DIAPH2: variants seen among roughly 807,000 people sequenced by gnomAD.
DIAPH2 encodes diaphanous related formin 2, also known as protein diaphanous homolog 2.
Under a neutral mutation model 92.7 loss-of-function variants are expected in DIAPH2, and 35 were observed. The observed-to-expected ratio is 0.38, with a 90% CI of 0.29 to 0.50. The LOEUF (loss-of-function observed/expected upper bound fraction) is 0.50. Among genes scored for constraint, DIAPH2 ranks in the 20% least tolerant of loss-of-function variants. DIAPH2 has a pLI of 0.94. For missense variants in DIAPH2, 701 were observed against 819.5 expected (o/e 0.86, Z 1.77); for synonymous variants, 301 against 280.4 (o/e 1.07, Z -0.73).
intron 21 of DIAPH2, among the ~76,000 whole-genome samples, chrX:97,139,788 T>C (rs1350669499): frequency 9.0e-6 from 1 of 111,286 alleles, no homozygotes; most frequent in Non-Finnish European, 1.9e-5. Context: ...ATTAAGCACT[T>C]ATAAGTATGC....
chrX:96,909,565 G>A (rs955153931), intron 5 of DIAPH2, among the ~76,000 whole-genome samples: 3 of 110,790 alleles, frequency 2.7e-5, no homozygotes, highest in African/African-American at 9.9e-5. Flanking sequence ...CATCGTCATC[G>A]TTCGTAATTA....
intron 4 of DIAPH2, among the ~76,000 whole-genome samples, chrX:96,835,773 G>A (rs1268956040): frequency 9.0e-6 from 1 of 111,521 alleles, no homozygotes; most frequent in Non-Finnish European, 1.9e-5. Context: ...GGAGGGTGAT[G>A]TCCAAGTATC....
At chrX:97,598,017 C>G (rs1386206118) in intron 26 of DIAPH2, among the ~76,000 whole-genome samples, 1 of 111,273 alleles carries the variant, frequency 9.0e-6, no homozygotes, top group Non-Finnish European at 1.9e-5. Context: ...TAGCTTTGCT[C>G]TGTTTGCTGA....
intron 26 of DIAPH2, among the ~76,000 whole-genome samples, chrX:97,439,160 GCT>G (rs2070225592): frequency 9.0e-6 from 1 of 111,541 alleles, no homozygotes; most frequent in Non-Finnish European, 1.9e-5. Flanking sequence ...GGGCACAGTG[GCT>G]CACACCTTTA....
chrX:97,050,136 T>G (rs936821048), intron 17 of DIAPH2, among the ~76,000 whole-genome samples: 1 of 111,536 alleles, frequency 9.0e-6, no homozygotes, highest in Non-Finnish European at 1.9e-5. Context: ...AACTATACTT[T>G]TAAATCTTCT....
intron 18 of DIAPH2, among the ~76,000 whole-genome samples, chrX:97,074,257 T>G: frequency 9.0e-6 from 1 of 110,595 alleles, no homozygotes; most frequent in East Asian, 2.9e-4. Flanking sequence ...AAATACAAAA[T>G]TAGCCGGGCG....
intron 1 of DIAPH2, among the ~76,000 whole-genome samples, chrX:96,696,970 A>C (rs960508598): frequency 9.0e-6 from 1 of 111,668 alleles, no homozygotes; most frequent in Non-Finnish European, 1.9e-5. Context: ...CATAAGTCCC[A>C]TCGTGGGTAG....
chrX:96,913,127 A>G (rs1303760568), intron 7 of DIAPH2, among the ~76,000 whole-genome samples: 1 of 110,953 alleles, frequency 9.0e-6, no homozygotes, highest in Non-Finnish European at 1.9e-5. Flanking sequence ...CATATAGGGA[A>G]GATAGATAAA....
chrX:97,412,471 C>T (rs773158310), intron 25 of DIAPH2, among the ~76,000 whole-genome samples: 1 of 111,864 alleles, frequency 8.9e-6, no homozygotes, highest in South Asian at 3.7e-4. Flanking sequence ...AAAATCAACA[C>T]CCTAACATCA....
chrX:97,172,937 G>T (rs1602391191), intron 22 of DIAPH2, among the ~76,000 whole-genome samples: 1 of 111,929 alleles, frequency 8.9e-6, no homozygotes, highest in East Asian at 2.8e-4. Context: ...CGTCATGTAG[G>T]TTTCCTATGT....
intron 23 of DIAPH2, among the ~76,000 whole-genome samples, chrX:97,313,246 GTGAACACTGGATAATATGCACA>G (rs2068812387): frequency 1.8e-5 from 2 of 111,685 alleles, no homozygotes; most frequent in African/African-American, 6.5e-5. Context: ...GTGGTCACAA[GTGAACACTGGATAATATGCACA>G]ATTCATTGTA....
At chrX:97,112,965 A>G (rs2066992697) in intron 20 of DIAPH2, among the ~76,000 whole-genome samples, 1 of 107,343 alleles carries the variant, frequency 9.3e-6, no homozygotes, top group South Asian at 4.2e-4. Context: ...TTTTTAGTAG[A>G]GACAGGGTTT....
At chrX:97,499,134 A>C (rs1411330545) in intron 26 of DIAPH2, among the ~76,000 whole-genome samples, 2 of 112,292 alleles carry the variant, frequency 1.8e-5, no homozygotes, top group African/African-American at 6.5e-5. Flanking sequence ...TTTAAATGAC[A>C]TGAATATATT....
intron 26 of DIAPH2, among the ~76,000 whole-genome samples, chrX:97,560,689 C>T (rs2071288073): frequency 1.8e-5 from 2 of 112,137 alleles, no homozygotes; most frequent in East Asian, 2.8e-4. Context: ...GACGAGGTTT[C>T]GCCATGTTGG....
At chrX:96,897,841 C>T (rs1272225558) in intron 5 of DIAPH2, among the ~76,000 whole-genome samples, 1 of 88,098 alleles carries the variant, frequency 1.1e-5, no homozygotes, top group Non-Finnish European at 2.2e-5. Flanking sequence ...CGTCATTTAG[C>T]ATTAGGTATA....
At chrX:97,402,939 T>C (rs1357636499) in intron 25 of DIAPH2, among the ~76,000 whole-genome samples, 3 of 111,980 alleles carry the variant, frequency 2.7e-5, no homozygotes, top group Non-Finnish European at 1.9e-5. Flanking sequence ...TACAGATGAG[T>C]TTTGTTTTAC....
chrX:97,126,345 G>A (rs1056184112), intron 21 of DIAPH2, among the ~76,000 whole-genome samples: 6 of 111,790 alleles, frequency 5.4e-5, no homozygotes, highest in Non-Finnish European at 1.1e-4. Flanking sequence ...GAGAGCTCAT[G>A]TCCATGGAAG....
At chrX:97,084,269 T>C (rs905307132) in intron 19 of DIAPH2, among the ~76,000 whole-genome samples, 7 of 111,546 alleles carry the variant, frequency 6.3e-5, no homozygotes, top group African/African-American at 2.3e-4. Flanking sequence ...CTTTTATCTT[T>C]TAAATAGCTA....
intron 4 of DIAPH2, among the ~76,000 whole-genome samples, chrX:96,807,832 G>GTT (rs1427158035): frequency 9.4e-6 from 1 of 105,875 alleles, no homozygotes; most frequent in Non-Finnish European, 1.9e-5. Context: ...CTTTCCTACT[G>GTT]ATAAGAGTAG....
Sources: gnomAD v4.1 joint callset for allele counts (sites outside exome capture counted in the v4.1 genomes callset) on GRCh38, gnomAD v4.1.1 for gene constraint, MANE v1.5 for transcripts, NCBI Gene and HGNC (gene_info 2026-07-23, HGNC 2026-07-21) for gene names.